Variants in CCNH observed in about 807,000 individuals in gnomAD.
CCNH encodes cyclin H, also known as cyclin-H.
In CCNH, 31 loss-of-function variants were observed where a neutral mutation model predicts 41.9. The ratio of observed to expected loss-of-function variants is 0.74; its 90% CI spans 0.56 to 1.00. The LOEUF is 1.00. Among genes scored for constraint, CCNH ranks in the 50% least tolerant of loss-of-function variants. The pLI is 0.00. For missense variants in CCNH, 362 were observed against 388.4 expected (o/e 0.93, Z 0.57); for synonymous variants, 138 against 136.1 (o/e 1.01, Z -0.10).
intron 9 of CCNH, chr5:87,341,336 A>G: frequency 2.3e-6 from 3 of 1,295,500 alleles, no homozygotes; most frequent in Non-Finnish European, 2.9e-6. Flanking sequence ...GTTTGTGTTA[A>G]TTATTAAAAT....
chr5:87,311,797 A>G, the CCNH span, among the ~76,000 whole-genome samples: 5 of 152,328 alleles, frequency 3.3e-5, 1 homozygote, highest in South Asian at 1.0e-3. Flanking sequence ...CTGATACTGC[A>G]TGGACCAAGG....
intron 3 of CCNH, among the ~76,000 whole-genome samples, chr5:87,408,395 A>G (rs1763963710): frequency 6.6e-6 from 1 of 152,206 alleles, no homozygotes. Context: ...ACAACTATAA[A>G]ATTAGGTCAA....
downstream of CCNH, among the ~76,000 whole-genome samples, chr5:87,315,856 G>T (rs971634744): frequency 7.2e-5 from 11 of 152,132 alleles, no homozygotes; most frequent in East Asian, 2.1e-3. Context: ...TACACTGCAG[G>T]TTTAAAAAGT....
In CCNH at chr5:87,399,458, C is replaced by T. The variant is rs1164479087; in HGVS notation, c.808G>A (p.Val270Ile). Residue 270 changes from valine to isoleucine, a missense_variant, in exon 7 of 9, where the codon GTT becomes ATT. By Grantham distance (29) the Val-to-Ile change is conservative. Coordinates refer to ENST00000256897, the MANE Select transcript of CCNH (RefSeq NM_001239.4). ...KKYEPPRSEEVAVLKQKLERC... is the reference protein window; with the variant it reads ...KKYEPPRSEEIAVLKQKLERC... The stretch of plus-strand genomic sequence containing the variant: ...TCCAACTTCTGTTTCAGAACAGCAA[C>T]TTCTTCAGATCTGGGTGGTTCATAC... The T allele has an allele frequency of 6.2e-7, 1 of 1,613,914 alleles. No individual in the cohort carries two copies. Among genetic ancestry groups the T allele is most frequent in the South Asian group, 1.1e-5 (1 of 91,074 alleles).
chr5:87,353,286 A>G (rs1759415419), intron 9 of CCNH: 1 of 1,397,560 alleles, frequency 7.2e-7, no homozygotes, highest in Non-Finnish European at 1.0e-6. Context: ...TTTAAAATGC[A>G]TTTTGGTGGT....
intron 9 of CCNH, chr5:87,366,305 T>C (rs185820251): frequency 4.1e-4 from 151 of 367,834 alleles, no homozygotes; most frequent in Non-Finnish European, 7.1e-4. Context: ...ATCTGTAAGA[T>C]TGAAGAAAAG....
intron 9 of CCNH, among the ~76,000 whole-genome samples, chr5:87,367,453 T>G (rs2923742): frequency 6.6e-6 from 1 of 152,146 alleles, no homozygotes; most frequent in Non-Finnish European, 1.5e-5. Flanking sequence ...AGTAGGTGAT[T>G]AGTGCGCATG....
At position 87,356,059 on chromosome 5, in the gene CCNH, C is replaced by A. The variant is rs558423782; in HGVS notation, c.*90+36711G>T. Among the ~76,000 whole-genome samples the A allele has an allele frequency of 9.3e-4, 141 of 152,260 alleles. 1 individual carries two copies. The highest frequency in any genetic ancestry group is 3.2e-3 in the African/African-American group (134 of 41,562). On this transcript the variant is annotated intron_variant and NMD_transcript_variant, in intron 9 of 9. Transcript: ENST00000645953. ...AGATAGAATCTACTCCTGTGAAGAT[C>A]CTGTGATCGCTACTGAAATGAAAAC...
At chr5:87,317,026 G>A (rs1756393838), downstream of CCNH, among the ~76,000 whole-genome samples, 1 of 152,092 alleles carries the variant, frequency 6.6e-6, no homozygotes, top group South Asian at 2.1e-4. Context: ...GGGATTACAG[G>A]CGTGTGCCAC....
At chr5:87,356,785 C>T (rs937486592) in intron 9 of CCNH, among the ~76,000 whole-genome samples, 4 of 152,160 alleles carry the variant, frequency 2.6e-5, no homozygotes, top group African/African-American at 9.7e-5. Flanking sequence ...CTTATACGTG[C>T]ACTGCGAAAC....
downstream of CCNH, chr5:87,389,352 A>T (rs374868128): frequency 2.4e-5 from 39 of 1,612,198 alleles, no homozygotes; most frequent in Non-Finnish European, 3.1e-5. Flanking sequence ...AAAAAAAAGA[A>T]GATTTGTATT....
chr5:87,394,737 A>G, intron 8 of CCNH: 2 of 1,328,310 alleles, frequency 1.5e-6, no homozygotes, highest in Non-Finnish European at 1.9e-6. Context: ...ACAGATAGAA[A>G]ATTTTTTTTA....
intron 4 of CCNH, among the ~76,000 whole-genome samples, chr5:87,405,775 T>C (rs147233892): frequency 1.5e-3 from 232 of 152,228 alleles, no homozygotes; most frequent in Non-Finnish European, 2.6e-3. Context: ...CTGGTCCTCA[T>C]TTCTCTCCTG....
chr5:87,374,843 T>C (rs549861815), downstream of CCNH: 13 of 1,610,076 alleles, frequency 8.1e-6, no homozygotes, highest in East Asian at 1.6e-4. Flanking sequence ...CCTTTAGTGA[T>C]CTTCCTCCTG....
chr5:87,357,107 TC>T (rs1759707683), intron 9 of CCNH, among the ~76,000 whole-genome samples: 1 of 152,162 alleles, frequency 6.6e-6, no homozygotes, highest in African/African-American at 2.4e-5. Context: ...ATGTCAGTCT[TC>T]CTCTCTGCCT....
chr5:87,406,123 C>T (rs1452145701), intron 4 of CCNH, among the ~76,000 whole-genome samples: 1 of 152,202 alleles, frequency 6.6e-6, no homozygotes, highest in South Asian at 2.1e-4. Flanking sequence ...CAAAGAAAGG[C>T]GCTATTTCCT....
At chr5:87,354,542 G>A (rs191346820) in intron 9 of CCNH, among the ~76,000 whole-genome samples, 1 of 152,112 alleles carries the variant, frequency 6.6e-6, no homozygotes, top group South Asian at 2.1e-4. Flanking sequence ...TGACTGGCTG[G>A]TTCTGTTTCT....
At chr5:87,338,536 A>ATTTTTTTTTTTTTTT (rs1232583853) in intron 9 of CCNH, among the ~76,000 whole-genome samples, 1 of 85,216 alleles carries the variant, frequency 1.2e-5, no homozygotes, top group African/African-American at 4.4e-5. Context: ...TATATATAAA[A>ATTTTTTTTTTTTTTT]TTTTTTTTTT....
intron 9 of CCNH, among the ~76,000 whole-genome samples, chr5:87,337,278 A>C (rs1758043168): frequency 6.6e-6 from 1 of 152,036 alleles, no homozygotes; most frequent in Non-Finnish European, 1.5e-5. Context: ...GTTTCAGTAA[A>C]AGGAAACTAA....
Sources: allele counts gnomAD v4.1 joint callset (sites outside exome capture counted in the v4.1 genomes callset), GRCh38; gene constraint gnomAD v4.1.1; transcripts MANE v1.5; gene names NCBI Gene and HGNC (gene_info 2026-07-23, HGNC 2026-07-21).